The following CD2AP variants were observed in gnomAD, a reference collection of about 807,000 sequenced individuals.
CD2AP encodes the protein CD2-associated protein.
CD2AP carries 46 observed loss-of-function variants against 85.1 expected under a neutral mutation model. The ratio of observed to expected loss-of-function variants is 0.54; its 90% CI spans 0.43 to 0.69. The LOEUF is 0.69. Ranked by LOEUF, CD2AP falls within the 30% of genes least tolerant of loss-of-function variation. The pLI is 0.00. For synonymous variants in CD2AP, 255 were observed against 252.9 expected (o/e 1.01, Z -0.08); for missense variants, 769 against 729.5 (o/e 1.05, Z -0.62).
At chr6:47,520,849 A>G (rs1398338626) in intron 2 of CD2AP, among the ~76,000 whole-genome samples, 1 of 149,676 alleles carries the variant, frequency 6.7e-6, no homozygotes, top group Admixed American at 6.8e-5. Flanking sequence ...TAGGGCTAAC[A>G]CTAGTGGGCT....
intron 1 of CD2AP, 108 bp downstream of exon 1, chr6:47,478,356 G>T (rs2113951740): frequency 7.9e-7 from 1 of 1,268,542 alleles, no homozygotes; most frequent in Non-Finnish European, 1.1e-6. Context: ...CCCCTGAGCG[G>T]CAGCACCCCA....
intron 1 of CD2AP, among the ~76,000 whole-genome samples, chr6:47,484,672 T>TA (rs1238001118): frequency 6.6e-6 from 1 of 152,224 alleles, no homozygotes; most frequent in Non-Finnish European, 1.5e-5. Context: ...TGTAGCTTGT[T>TA]AAACTTCCCA....
At chr6:47,562,773 G>A (rs1380005783) in intron 5 of CD2AP, 26 of 1,057,164 alleles carry the variant, frequency 2.5e-5, no homozygotes, top group Non-Finnish European at 3.6e-5. Flanking sequence ...ATGTTTGTGT[G>A]CTTGCATCCA....
chr6:47,500,993 TGCCTCC>T (rs942803567), intron 1 of CD2AP, among the ~76,000 whole-genome samples: 2 of 152,100 alleles, frequency 1.3e-5, no homozygotes, highest in Non-Finnish European at 1.5e-5. Context: ...GTGATCCGCC[TGCCTCC>T]GCCTCCCAAA....
chr6:47,576,396 C>G, intron 6 of CD2AP, 128 bp from the exon 7 acceptor site: 1 of 710,228 alleles, frequency 1.4e-6, no homozygotes, highest in Non-Finnish European at 2.5e-6. Flanking sequence ...GCTAAGTTTT[C>G]AGTCACATTA....
chr6:47,577,734 GCCC>G (rs1214177307), intron 8 of CD2AP, among the ~76,000 whole-genome samples: 1 of 151,462 alleles, frequency 6.6e-6, no homozygotes, highest in African/African-American at 2.4e-5. Context: ...TTGAAATTCT[GCCC>G]CCCACCCCCA....
intron 11 of CD2AP, among the ~76,000 whole-genome samples, chr6:47,585,110 G>A (rs1329114487): frequency 6.6e-6 from 1 of 151,592 alleles, no homozygotes; most frequent in African/African-American, 2.4e-5. Flanking sequence ...TGGCTAACAC[G>A]GTGAAACCCC....
At chr6:47,524,616 T>G (rs969206586) in intron 2 of CD2AP, among the ~76,000 whole-genome samples, 4 of 133,720 alleles carry the variant, frequency 3.0e-5, no homozygotes, top group Non-Finnish European at 7.1e-5. Context: ...AAGTGTTTTT[T>G]TTTCCACTGT....
At chr6:47,526,608 A>G (rs966413211) in intron 2 of CD2AP, among the ~76,000 whole-genome samples, 2 of 152,156 alleles carry the variant, frequency 1.3e-5, no homozygotes, top group Admixed American at 6.6e-5. Flanking sequence ...TTCATATATC[A>G]TGTTAACATT....
chr6:47,619,743 T>G (rs560753092), intron 17 of CD2AP, among the ~76,000 whole-genome samples: 70 of 152,292 alleles, frequency 4.6e-4, no homozygotes, highest in South Asian at 1.0e-3. Flanking sequence ...TGTTTTTTGA[T>G]TTTTTGATTA....
rs931553490 is a variant in CD2AP, at chr6:47,625,468, T to G, written c.*1241T>G. 2.0e-5 allele frequency: 3 copies of G among 151,994 alleles called. No homozygotes were observed. The highest frequency in any genetic ancestry group is 4.4e-5 in the Non-Finnish European group (3 of 67,832). The allele number at this position is 151,994 out of a possible 1,614,324, so 9.4% of individuals were successfully genotyped here. On this transcript the variant is annotated 3_prime_UTR_variant, in exon 18 of 18. Coordinates refer to ENST00000359314, the MANE Select transcript of CD2AP (RefSeq NM_012120.3). ...CAGAATGGATGAATTAGTTGTTTCT[T>G]CAGAGTTACTTATGAACAGTTGAAT...
intron 2 of CD2AP, among the ~76,000 whole-genome samples, chr6:47,530,892 CATAT>C (rs902194907): frequency 3.4e-4 from 51 of 152,212 alleles, no homozygotes; most frequent in African/African-American, 1.2e-3. Context: ...CACTTGTGGA[CATAT>C]ATTGCCAGAA....
intron 5 of CD2AP, among the ~76,000 whole-genome samples, chr6:47,572,847 A>T (rs937495234): frequency 1.3e-5 from 2 of 152,204 alleles, no homozygotes; most frequent in Non-Finnish European, 2.9e-5. Flanking sequence ...TGCTTAGCCA[A>T]ATGCCTGGTA....
At chr6:47,526,591 CA>C (rs776480336) in intron 2 of CD2AP, among the ~76,000 whole-genome samples, 63 of 152,194 alleles carry the variant, frequency 4.1e-4, no homozygotes, top group Middle Eastern at 3.4e-3. Flanking sequence ...AGATCTTGAG[CA>C]ATGAATTCAT....
At chr6:47,489,530 C>G (rs912048140) in intron 1 of CD2AP, among the ~76,000 whole-genome samples, 1 of 152,102 alleles carries the variant, frequency 6.6e-6, no homozygotes, top group African/African-American at 2.4e-5. Flanking sequence ...GAGGGAAGTT[C>G]TTACATAGCA....
intron 2 of CD2AP, among the ~76,000 whole-genome samples, chr6:47,506,756 G>A (rs547509373): frequency 3.1e-4 from 45 of 145,118 alleles, no homozygotes; most frequent in African/African-American, 1.1e-3. Flanking sequence ...GTCCAGCTTC[G>A]GCTCCGCATG....
chr6:47,532,098 A>G (rs968109458), intron 2 of CD2AP, among the ~76,000 whole-genome samples: 1 of 152,116 alleles, frequency 6.6e-6, no homozygotes, highest in African/African-American at 2.4e-5. Flanking sequence ...TCCTTTTCAC[A>G]AGATACTTTT....
chr6:47,505,426 C>T (rs75422674), intron 2 of CD2AP, among the ~76,000 whole-genome samples: 4 of 150,546 alleles, frequency 2.7e-5, no homozygotes, highest in Non-Finnish European at 4.4e-5. Context: ...CCATGTCTAC[C>T]TCTTTCTACA....
intron 5 of CD2AP, among the ~76,000 whole-genome samples, chr6:47,561,625 G>A (rs1417294158): frequency 6.6e-6 from 1 of 152,120 alleles, no homozygotes; most frequent in African/African-American, 2.4e-5. Flanking sequence ...CTACCCATAT[G>A]TCTTGATCAT....
Sources: allele counts gnomAD v4.1 joint callset (sites outside exome capture counted in the v4.1 genomes callset), GRCh38; gene constraint gnomAD v4.1.1; transcripts MANE v1.5; gene names NCBI Gene and HGNC (gene_info 2026-07-23, HGNC 2026-07-21).